Variants in LINGO2 observed in about 807,000 individuals in gnomAD.
LINGO2 encodes leucine rich repeat and Ig domain containing 2, also known as leucine-rich repeat and immunoglobulin-like domain-containing nogo receptor-interacting protein 2.
In LINGO2, 14 loss-of-function variants were observed where a neutral mutation model predicts 30.6. The ratio of observed to expected loss-of-function variants is 0.46; its 90% CI spans 0.30 to 0.72. The LOEUF is 0.72. Among genes scored for constraint, LINGO2 ranks in the 30% least tolerant of loss-of-function variants. The pLI, the probability that LINGO2 is intolerant of heterozygous loss-of-function variation, is 0.07. For synonymous variants in LINGO2, 317 were observed against 288.5 expected (o/e 1.10, Z -1.00); for missense variants, 729 against 751.7 (o/e 0.97, Z 0.35).
chr9:28,414,347 A>C (rs1822888813), intron 2 of LINGO2, among the ~76,000 whole-genome samples: 1 of 152,092 alleles, frequency 6.6e-6, no homozygotes, highest in Non-Finnish European at 1.5e-5. Flanking sequence ...GAGAAAGTAC[A>C]TATATGTAAA....
At chr9:28,360,528 C>G (rs2134503522) in intron 3 of LINGO2, among the ~76,000 whole-genome samples, 1 of 152,238 alleles carries the variant, frequency 6.6e-6, no homozygotes, top group South Asian at 2.1e-4. Context: ...CTCTAAAACT[C>G]CTTTCTGCAT....
chr9:28,940,216 C>T, the LINGO2 span, among the ~76,000 whole-genome samples: 135,937 of 152,028 alleles, frequency 0.89, 61,083 homozygotes, highest in Non-Finnish European at 0.94. Context: ...TAGGCTATGA[C>T]TCCCTGTCTC....
chr9:28,911,834 C>A, the LINGO2 span, among the ~76,000 whole-genome samples: 1 of 152,176 alleles, frequency 6.6e-6, no homozygotes, highest in African/African-American at 2.4e-5. Context: ...GTTCAACAGT[C>A]TTTCCCGGAG....
At chr9:28,990,960 C>G in the LINGO2 span, among the ~76,000 whole-genome samples, 1 of 152,220 alleles carries the variant, frequency 6.6e-6, no homozygotes, top group Non-Finnish European at 1.5e-5. Context: ...CAGAGCACTT[C>G]TCCTCCTCCA....
chr9:28,355,065 G>T lies in LINGO2; in HGVS notation c.-246+17771C>A, dbSNP rs78251593. On this transcript the variant is annotated intron_variant, in intron 3 of 5. Transcript: ENST00000379992. ...CTTACCCAAAACATTCTAAAACTAA[G>T]TCTAATAGGAAGAGAAATTCATTCT... is the stretch of plus-strand genomic sequence containing the variant. 5.1e-3 allele frequency among the ~76,000 whole-genome samples: 773 copies of T among 152,178 alleles called. 32 individuals carry two copies. The East Asian group carries it at 0.1, about 20-fold the overall frequency.
intron 2 of LINGO2, among the ~76,000 whole-genome samples, chr9:28,455,895 T>A (rs1201443037): frequency 6.6e-6 from 1 of 152,130 alleles, no homozygotes; most frequent in Non-Finnish European, 1.5e-5. Flanking sequence ...GGCTATACTC[T>A]CTGACCATGA....
At chr9:28,431,364 C>G (rs907873993) in intron 2 of LINGO2, among the ~76,000 whole-genome samples, 4 of 151,682 alleles carry the variant, frequency 2.6e-5, no homozygotes, top group Non-Finnish European at 5.9e-5. Flanking sequence ...GTGTCTGGCA[C>G]AGTAAATATT....
intron 2 of LINGO2, among the ~76,000 whole-genome samples, chr9:28,406,149 G>GAATGTGC (rs1455053030): frequency 3.3e-5 from 5 of 152,044 alleles, no homozygotes. Flanking sequence ...GAGATTTCTG[G>GAATGTGC]AATGTGCGGC....
At chr9:28,392,777 G>T (rs942220105) in intron 2 of LINGO2, among the ~76,000 whole-genome samples, 6 of 152,134 alleles carry the variant, frequency 3.9e-5, no homozygotes, top group Non-Finnish European at 8.8e-5. Context: ...TACTCTTAAG[G>T]GGGCTTGTTA....
chr9:28,508,346 G>C (rs974647156), intron 1 of LINGO2, among the ~76,000 whole-genome samples: 1 of 152,018 alleles, frequency 6.6e-6, no homozygotes, highest in Non-Finnish European at 1.5e-5. Context: ...CAATAGTTGA[G>C]TAATCTTTTA....
Position 28,372,415 on chromosome 9 carries a change from C to T in LINGO2, c.-246+421G>A, listed in dbSNP as rs1244075964. 5.3e-5 allele frequency among the ~76,000 whole-genome samples: 8 copies of T among 152,064 alleles called. No individual in the cohort carries two copies. In the East Asian group the frequency reaches 1.2e-3, roughly 22 times the overall value. On this transcript the variant is annotated intron_variant, in intron 3 of 5. Transcript: ENST00000379992. The stretch of plus-strand genomic sequence containing the variant: ...TATGCAAAGTGAAATAAGTCAGGCA[C>T]GAAAGTCAAACTTCACATTCTTATA...
At chr9:28,588,645 A>T (rs148992609) in intron 1 of LINGO2, among the ~76,000 whole-genome samples, 21 of 149,826 alleles carry the variant, frequency 1.4e-4, no homozygotes, top group Non-Finnish European at 2.2e-4. Flanking sequence ...GTGGGCATGG[A>T]GAATTGAACC....
At chr9:28,225,662 A>C (rs1323673144) in intron 4 of LINGO2, among the ~76,000 whole-genome samples, 2 of 152,120 alleles carry the variant, frequency 1.3e-5, no homozygotes, top group Non-Finnish European at 2.9e-5. Context: ...CATTCTTATA[A>C]ATCAACAATT....
At chr9:28,433,949 C>CTCTCTCTCTCTATATATATATATATA (rs1225323260) in intron 2 of LINGO2, among the ~76,000 whole-genome samples, 6 of 88,530 alleles carry the variant, frequency 6.8e-5, no homozygotes, top group African/African-American at 2.2e-4. Context: ...CTCTCTCTCT[C>CTCTCTCTCTCTATATATATATATATA]TATATATATA....
chr9:29,045,583 T>TAA, the LINGO2 span, among the ~76,000 whole-genome samples: 35 of 144,200 alleles, frequency 2.4e-4, no homozygotes, highest in South Asian at 2.0e-3. Context: ...CCTTCATGAT[T>TAA]AAAAAAAAAA....
At chr9:28,575,747 T>C (rs1272336735) in intron 1 of LINGO2, among the ~76,000 whole-genome samples, 32 of 152,138 alleles carry the variant, frequency 2.1e-4, no homozygotes, top group Non-Finnish European at 5.9e-5. Context: ...ATACGTCTTA[T>C]TTTGGATAGA....
intron 4 of LINGO2, among the ~76,000 whole-genome samples, chr9:28,255,303 C>G (rs1822346263): frequency 6.6e-6 from 1 of 151,928 alleles, no homozygotes; most frequent in African/African-American, 2.4e-5. Context: ...TTATAGTAGT[C>G]CCCACTCGGA....
chr9:28,402,526 G>A (rs1822315389), intron 2 of LINGO2, among the ~76,000 whole-genome samples: 2 of 151,906 alleles, frequency 1.3e-5, no homozygotes, highest in Non-Finnish European at 1.5e-5. Context: ...CAGCAGATCC[G>A]TACACTGCCT....
At chr9:28,242,213 G>A (rs1821825682) in intron 4 of LINGO2, among the ~76,000 whole-genome samples, 1 of 152,162 alleles carries the variant, frequency 6.6e-6, no homozygotes, top group South Asian at 2.1e-4. Context: ...ATGCAAAGAA[G>A]CTGAGAACCT....
Sources: allele counts gnomAD v4.1 joint callset (sites outside exome capture counted in the v4.1 genomes callset), GRCh38; gene constraint gnomAD v4.1.1; transcripts MANE v1.5; gene names NCBI Gene and HGNC (gene_info 2026-07-23, HGNC 2026-07-21).